Variants in DNAAF5 observed in about 807,000 individuals in gnomAD.
DNAAF5 encodes the protein HEAT repeat containing 2.
A neutral mutation model predicts 75.8 loss-of-function variants in DNAAF5; 64 were observed. The ratio of observed to expected loss-of-function variants is 0.84; its 90% confidence interval spans 0.69 to 1.04. DNAAF5 has a LOEUF of 1.04. DNAAF5 is among the 50% of genes least tolerant of loss of function. The pLI, the probability that DNAAF5 is intolerant of heterozygous loss-of-function variation, is 0.00. For missense variants in DNAAF5, 1,269 were observed against 1,178.5 expected, an observed-to-expected ratio of 1.08 and a Z score of -1.12; for synonymous variants, 657 against 557.2, an observed-to-expected ratio of 1.18 and a Z score of -2.52.
chr7:764,561 C>G (rs1182030230), intron 8 of DNAAF5, among the ~76,000 whole-genome samples: 5 of 152,222 alleles, frequency 3.3e-5, no homozygotes, highest in African/African-American at 1.2e-4. Context: ...CCTCGTTTGC[C>G]TCCCCGGCCC....
At chr7:739,842 C>T (rs546259182) in intron 2 of DNAAF5, among the ~76,000 whole-genome samples, 2 of 152,302 alleles carry the variant, frequency 1.3e-5, no homozygotes, top group Admixed American at 1.3e-4. Context: ...GGAGCAGCCC[C>T]TCCTCCGAGT....
intron 2 of DNAAF5, among the ~76,000 whole-genome samples, chr7:734,606 G>A (rs931551692): frequency 1.3e-5 from 2 of 152,192 alleles, no homozygotes; most frequent in African/African-American, 4.8e-5. Context: ...AAGTTTGGAG[G>A]TATTCCTTCC....
At chr7:767,592 C>A (rs977024143) in intron 8 of DNAAF5, among the ~76,000 whole-genome samples, 5 of 151,952 alleles carry the variant, frequency 3.3e-5, no homozygotes, top group Non-Finnish European at 7.4e-5. Context: ...TTATCCTAAG[C>A]CTTTATAGCA....
At chr7:755,552 C>T (rs1782453952) in intron 5 of DNAAF5, among the ~76,000 whole-genome samples, 1 of 152,160 alleles carries the variant, frequency 6.6e-6, no homozygotes, top group African/African-American at 2.4e-5. Flanking sequence ...TGGCCAGCAG[C>T]TTTTACTTCT....
chr7:728,833 G>A (rs1268006624), intron 1 of DNAAF5, among the ~76,000 whole-genome samples: 1 of 152,182 alleles, frequency 6.6e-6, no homozygotes, highest in African/African-American at 2.4e-5. Flanking sequence ...CTCTCCCCTG[G>A]GTGGGGGGCC....
intron 7 of DNAAF5, among the ~76,000 whole-genome samples, chr7:762,614 A>C (rs547762800): frequency 3.9e-5 from 6 of 152,028 alleles, no homozygotes; most frequent in South Asian, 2.1e-4. Flanking sequence ...GTTTATGCCC[A>C]AAAATCATCT....
intron 2 of DNAAF5, among the ~76,000 whole-genome samples, chr7:739,683 A>T (rs959467958): frequency 2.0e-5 from 3 of 152,144 alleles, no homozygotes; most frequent in Non-Finnish European, 1.5e-5. Context: ...CCCTCACGGG[A>T]CCTTAGTGAC....
chr7:749,942 A>G (rs1583491184), intron 4 of DNAAF5, among the ~76,000 whole-genome samples: 1 of 152,034 alleles, frequency 6.6e-6, no homozygotes, highest in Admixed American at 6.6e-5. Context: ...CAGGTGATCC[A>G]CCCGCCTTGG....
chr7:735,822 G>C lies in DNAAF5; in HGVS notation c.781-4997G>C, dbSNP rs140025882. 1.1e-4 allele frequency among the ~76,000 whole-genome samples: 17 copies of C among 151,782 alleles called. No homozygotes were observed. In the East Asian group the frequency reaches 3.3e-3, roughly 29 times the overall value. On this transcript the variant is annotated intron_variant, in intron 2 of 12. Coordinates refer to ENST00000297440, the MANE Select transcript of DNAAF5 (RefSeq NM_017802.4). ...ATTTCTTGTCTTCTACTAATTTTGG[G>C]TTTGGTTTGCTCTTGCTTTCCTAGT... is the stretch of plus-strand genomic sequence containing the variant.
chr7:781,930 C>G (rs925855646), intron 12 of DNAAF5, among the ~76,000 whole-genome samples: 2 of 152,258 alleles, frequency 1.3e-5, no homozygotes, highest in Non-Finnish European at 2.9e-5. Flanking sequence ...TCTCCCATCC[C>G]GTACCCGCGG....
intron 4 of DNAAF5, among the ~76,000 whole-genome samples, chr7:747,004 C>T (rs1415451248): frequency 6.6e-6 from 1 of 152,258 alleles, no homozygotes; most frequent in African/African-American, 2.4e-5. Flanking sequence ...GTCACGTTCC[C>T]TCCCGTGGAT....
chr7:745,638 TC>T (rs1362476078), intron 4 of DNAAF5, among the ~76,000 whole-genome samples: 4 of 152,070 alleles, frequency 2.6e-5, no homozygotes, highest in Non-Finnish European at 5.9e-5. Context: ...TACATGTATA[TC>T]CTCACACACG....
At chr7:760,557 G>A (rs2128079946) in intron 6 of DNAAF5, among the ~76,000 whole-genome samples, 1 of 152,360 alleles carries the variant, frequency 6.6e-6, no homozygotes, top group South Asian at 2.1e-4. Context: ...GGCCACGGCA[G>A]GAGGATCACT....
intron 4 of DNAAF5, among the ~76,000 whole-genome samples, chr7:753,843 G>A (rs1484609367): frequency 2.7e-5 from 4 of 145,806 alleles, no homozygotes; most frequent in Admixed American, 6.9e-5. Flanking sequence ...TGGCTTCGCA[G>A]GCGTGTCTCT....
intron 4 of DNAAF5, among the ~76,000 whole-genome samples, chr7:749,815 C>T (rs1339275789): frequency 6.6e-6 from 1 of 152,186 alleles, no homozygotes; most frequent in Non-Finnish European, 1.5e-5. Context: ...TGTCCTGCCT[C>T]AGCCTCCCGA....
chr7:748,923 T>C (rs553633917), intron 4 of DNAAF5, among the ~76,000 whole-genome samples: 3 of 152,384 alleles, frequency 2.0e-5, no homozygotes, highest in South Asian at 4.1e-4. Context: ...TCAGAGGTAA[T>C]GACCTATCAA....
chr7:729,661 A>T lies in DNAAF5; in HGVS notation c.596-2A>T. The T allele has an allele frequency of 6.2e-7, 1 of 1,613,116 alleles. No homozygotes were observed. The highest frequency in any genetic ancestry group is 1.1e-5 in the South Asian group (1 of 91,022). On this transcript the variant is annotated splice_acceptor_variant, in intron 1 of 12. Transcript: ENST00000297440. LOFTEE classifies it high-confidence loss of function. The stretch of plus-strand genomic sequence containing the variant: ...GTAACTGGGGGCCTCCCTGTCCCTC[A>T]GACCACTTCCACATGCAGTCGGAGT...
chr7:773,980 CTA>C (rs1778664390), intron 9 of DNAAF5, 66 bp from the exon 10 acceptor site: 3 of 1,582,142 alleles, frequency 1.9e-6, no homozygotes, highest in Non-Finnish European at 2.6e-6. Flanking sequence ...CCATTCATCC[CTA>C]GTCTGAAACG....
intron 8 of DNAAF5, among the ~76,000 whole-genome samples, chr7:768,079 A>C (rs113817820): frequency 6.8e-5 from 6 of 88,818 alleles, no homozygotes; most frequent in Non-Finnish European, 1.2e-4. Context: ...GTGTCCGTGC[A>C]GCGAGCGGGA....
Sources: allele counts gnomAD v4.1 joint callset (sites outside exome capture counted in the v4.1 genomes callset), GRCh38; gene constraint gnomAD v4.1.1; transcripts MANE v1.5; gene names NCBI Gene and HGNC (gene_info 2026-07-23, HGNC 2026-07-21).